Variants in GSK3B observed in about 807,000 individuals in gnomAD.
GSK3B encodes glycogen synthase kinase 3 beta, also known as glycogen synthase kinase-3 beta.
Under a neutral mutation model 56.4 loss-of-function variants are expected in GSK3B, and 15 were observed. The observed-to-expected ratio is 0.27, with a 90% CI of 0.18 to 0.41. The LOEUF is 0.41. GSK3B is among the 10% of genes least tolerant of loss of function. The probability of loss-of-function intolerance (pLI) is 1.00; values close to 1 mark genes in which losing one functional copy is unlikely to be tolerated. For synonymous variants in GSK3B, 181 were observed against 188.9 expected, an observed-to-expected ratio of 0.96 and a Z score of 0.34; for missense variants, 300 against 513.4, an observed-to-expected ratio of 0.58 and a Z score of 4.02.
At chr3:119,920,296 G>A (rs536721790) in intron 4 of GSK3B, among the ~76,000 whole-genome samples, 2 of 152,190 alleles carry the variant, frequency 1.3e-5, no homozygotes, top group Non-Finnish European at 2.9e-5. Context: ...CTGAAGTGCA[G>A]TGGCATGATC....
intron 1 of GSK3B, among the ~76,000 whole-genome samples, chr3:120,019,178 G>T (rs1287032531): frequency 6.6e-6 from 1 of 151,508 alleles, no homozygotes; most frequent in Non-Finnish European, 1.5e-5. Flanking sequence ...CTTAATAATA[G>T]TTTAATACAT....
intron 9 of GSK3B, among the ~76,000 whole-genome samples, chr3:119,862,892 A>T (rs999136516): frequency 4.6e-5 from 7 of 152,174 alleles, no homozygotes; most frequent in Non-Finnish European, 8.8e-5. Flanking sequence ...TTATCTCAGC[A>T]GCAGCAATGG....
intron 10 of GSK3B, among the ~76,000 whole-genome samples, chr3:119,840,609 A>T (rs2055757789): frequency 6.6e-6 from 1 of 152,218 alleles, no homozygotes; most frequent in African/African-American, 2.4e-5. Context: ...ATCTTAAACT[A>T]CAGGCAGCCG....
intron 1 of GSK3B, among the ~76,000 whole-genome samples, chr3:120,007,639 TCA>T (rs1275175409): frequency 2.6e-5 from 4 of 152,088 alleles, no homozygotes; most frequent in Non-Finnish European, 5.9e-5. Context: ...ATGTAATCCA[TCA>T]CATAAACAGA....
chr3:120,035,218 C>T (rs2058012232), intron 1 of GSK3B, among the ~76,000 whole-genome samples: 1 of 152,072 alleles, frequency 6.6e-6, no homozygotes, highest in Non-Finnish European at 1.5e-5. Flanking sequence ...TGAAGACACA[C>T]AGGTAGAGGA....
At chr3:119,982,759 G>C (rs1198625882) in intron 2 of GSK3B, among the ~76,000 whole-genome samples, 1 of 152,116 alleles carries the variant, frequency 6.6e-6, no homozygotes, top group Non-Finnish European at 1.5e-5. Flanking sequence ...ATGGGGAGAA[G>C]GGAACCAAGT....
At chr3:120,086,853 G>T (rs997929701) in intron 1 of GSK3B, among the ~76,000 whole-genome samples, 4 of 151,718 alleles carry the variant, frequency 2.6e-5, no homozygotes, top group Non-Finnish European at 5.9e-5. Context: ...TTATCAGAAT[G>T]ATTTACCCTG....
At chr3:119,942,392 G>A (rs867630180) in intron 3 of GSK3B, among the ~76,000 whole-genome samples, 1 of 152,140 alleles carries the variant, frequency 6.6e-6, no homozygotes, top group African/African-American at 2.4e-5. Context: ...TCCTCCTCCT[G>A]GGTTCAAGCG....
At chr3:120,050,695 A>C (rs971502907) in intron 1 of GSK3B, among the ~76,000 whole-genome samples, 1 of 152,188 alleles carries the variant, frequency 6.6e-6, no homozygotes, top group African/African-American at 2.4e-5. Flanking sequence ...GAAGGTCAGG[A>C]GAGAAAATGA....
intron 2 of GSK3B, among the ~76,000 whole-genome samples, chr3:119,974,177 A>T (rs1559859957): frequency 6.6e-6 from 1 of 152,244 alleles, no homozygotes; most frequent in Admixed American, 6.5e-5. Flanking sequence ...ACACTCTAGG[A>T]AAAGTCTTTG....
Position 119,905,020 on chromosome 3 carries a change from A to G in GSK3B, c.813+735T>C, listed in dbSNP as rs184677937. ...AGATCTCAAATATTTAAAACTTAAA[A>G]AAATTACATTTAAAAACTCAATTAA... On this transcript the variant is annotated intron_variant, in intron 7 of 10. Coordinates refer to ENST00000264235, the MANE Select transcript of GSK3B (RefSeq NM_001146156.2). Among the ~76,000 whole-genome samples, 16 of 151,732 alleles carry G rather than the reference A, an allele frequency of 1.1e-4. No homozygotes were observed. In the East Asian group the frequency reaches 3.1e-3, roughly 29 times the overall value.
intron 3 of GSK3B, among the ~76,000 whole-genome samples, chr3:119,928,065 G>C (rs892256236): frequency 3.9e-5 from 6 of 152,194 alleles, no homozygotes; most frequent in Non-Finnish European, 7.3e-5. Context: ...CATGGTGCCA[G>C]TAGCAATCAA....
Position 120,002,056 on chromosome 3 carries a change from T to C in GSK3B, c.272A>G (p.Lys91Arg). Reference protein sequence around the residue: ...LVAIKKVLQDKRFKNRELQIM... With the variant: ...LVAIKKVLQDRRFKNRELQIM... ...TACTGGACATTTTACCTTAAATCTC[T>C]TGTCCTGCAATACTTTCTTGATGGC... Residue 91 changes from lysine to arginine, a missense_variant, in exon 2 of 11, where the codon AAG becomes AGG. Physicochemically the swap from Lys to Arg is conservative, Grantham distance 26. This residue lies in a region of GSK3B where 20 missense variants were observed against 59.1 expected (regional missense o/e 0.34). Coordinates refer to ENST00000264235, the MANE Select transcript of GSK3B (RefSeq NM_001146156.2). 4 of 1,596,666 alleles carry C rather than the reference T, an allele frequency of 2.5e-6. No individual in the cohort carries two copies. The highest frequency in any genetic ancestry group is 2.6e-6 in the Non-Finnish European group (3 of 1,171,750).
Position 119,822,534 on chromosome 3 carries a change from G to A in GSK3B, c.*4254C>T, listed in dbSNP as rs2055428808. 1 of 226,988 alleles carries A rather than the reference G, an allele frequency of 4.4e-6. No individual in the cohort carries two copies. Among genetic ancestry groups the A allele is most frequent in the Admixed American group, 5.7e-5 (1 of 17,556 alleles). 14.1% of individuals were successfully genotyped at this position (226,988 alleles called of 1,614,324 possible). Reference sequence around the variant, plus strand: ...TGCTTTTATTGCAGAGGTGCAAAACGGAGCAACAAACTTGAATAAAACGGC... The same window carrying A: ...TGCTTTTATTGCAGAGGTGCAAAACAGAGCAACAAACTTGAATAAAACGGC... On this transcript the variant is annotated 3_prime_UTR_variant, in exon 11 of 11. Coordinates refer to ENST00000264235, the MANE Select transcript of GSK3B (RefSeq NM_001146156.2).
chr3:119,898,138 G>A (rs1051561931), intron 7 of GSK3B, among the ~76,000 whole-genome samples: 1 of 152,110 alleles, frequency 6.6e-6, no homozygotes, highest in African/African-American at 2.4e-5. Context: ...GCCTACAGTT[G>A]GGCAAAATAA....
chr3:120,042,431 T>C (rs2107533068), intron 1 of GSK3B, among the ~76,000 whole-genome samples: 1 of 152,332 alleles, frequency 6.6e-6, no homozygotes, highest in East Asian at 1.9e-4. Context: ...TTATAGATAG[T>C]TGCTTTATAT....
At chr3:119,832,965 G>GT (rs1259776300) in intron 10 of GSK3B, 21 of 982,482 alleles carry the variant, frequency 2.1e-5, no homozygotes, top group African/African-American at 5.3e-5. Context: ...TTGTTTGTTT[G>GT]TTTTTTTCAG....
chr3:119,960,908 C>T (rs1298758982), intron 2 of GSK3B, among the ~76,000 whole-genome samples: 1 of 152,064 alleles, frequency 6.6e-6, no homozygotes, highest in African/African-American at 2.4e-5. Flanking sequence ...TAGAACAATG[C>T]CCAGCCCATA....
At chr3:120,019,309 C>T (rs1222139297) in intron 1 of GSK3B, among the ~76,000 whole-genome samples, 2 of 152,164 alleles carry the variant, frequency 1.3e-5, no homozygotes, top group African/African-American at 4.8e-5. Context: ...GCATTCTACT[C>T]CCCATTCCCA....
Sources: allele counts gnomAD v4.1 joint callset (sites outside exome capture counted in the v4.1 genomes callset), GRCh38; gene constraint gnomAD v4.1.1; regional missense constraint gnomAD v4.1.1; transcripts MANE v1.5; gene names NCBI Gene and HGNC (gene_info 2026-07-23, HGNC 2026-07-21).